Variants in MYO7A observed in about 807,000 individuals in gnomAD.
The protein encoded by MYO7A is myosin VIIA, also known as unconventional myosin-VIIa.
Under a neutral mutation model 263.8 loss-of-function variants are expected in MYO7A, and 210 were observed. The observed-to-expected ratio is 0.80, with a 90% CI of 0.71 to 0.89. MYO7A has a LOEUF of 0.89. MYO7A is among the 40% of genes least tolerant of loss of function. The pLI is 0.00. For synonymous variants in MYO7A, 1,239 were observed against 1,197.3 expected (o/e 1.03, Z -0.72); for missense variants, 2,820 against 2,968.3 (o/e 0.95, Z 1.16).
rs1271365494 is a variant in MYO7A, at chr11:77,138,447, A to G, written c.19-4262A>G. ...GGCCCGGGCCAGGAGGGGAGAAGGGAGGGGGAGGGCGCCTCGCCCCGGGCC... is the reference window on the plus strand; with the variant it reads ...GGCCCGGGCCAGGAGGGGAGAAGGGGGGGGGAGGGCGCCTCGCCCCGGGCC... On this transcript the variant is annotated intron_variant, in intron 2 of 48. Coordinates refer to ENST00000409709, the MANE Select transcript of MYO7A (RefSeq NM_000260.4). This position sits in a 1 kb window ranked among gnomAD's most constrained non-coding sequence, Gnocchi z 4.9. 2.0e-5 allele frequency among the ~76,000 whole-genome samples: 3 copies of G among 151,740 alleles called. No homozygotes were observed. Among genetic ancestry groups the G allele is most frequent in the African/African-American group, 7.3e-5 (3 of 41,268 alleles).
intron 44 of MYO7A, among the ~76,000 whole-genome samples, chr11:77,210,624 C>T (rs1313141195): frequency 6.6e-6 from 1 of 152,214 alleles, no homozygotes; most frequent in African/African-American, 2.4e-5. Context: ...AGCGCCAGCC[C>T]TTCAGAGGCT....
chr11:77,201,082 C>A (rs1235949157), intron 35 of MYO7A, among the ~76,000 whole-genome samples: 2 of 152,202 alleles, frequency 1.3e-5, no homozygotes, highest in Non-Finnish European at 2.9e-5. Flanking sequence ...GGGCAGAGAG[C>A]TAAGCGTGAT....
chr11:77,160,013 A>C, intron 10 of MYO7A, 150 bp from the exon 11 acceptor site: 4 of 1,217,648 alleles, frequency 3.3e-6, no homozygotes, highest in Non-Finnish European at 4.4e-6. Flanking sequence ...TTCCATGGCT[A>C]GGGAGGATTT....
intron 47 of MYO7A, 70 bp from the exon 48 acceptor site, chr11:77,213,790 A>T (rs1958007251): frequency 2.5e-6 from 4 of 1,608,344 alleles, no homozygotes; most frequent in Admixed American, 3.3e-5. Flanking sequence ...GCCTTCTGTG[A>T]GGGCATGTGT....
chr11:77,202,194 C>T (rs915298453), intron 36 of MYO7A, 106 bp from the exon 37 acceptor site: 8 of 1,385,474 alleles, frequency 5.8e-6, no homozygotes, highest in South Asian at 3.0e-5. Context: ...GGGGTCCATA[C>T]CCCTGAAGAG....
intron 22 of MYO7A, 75 bp from the exon 23 acceptor site, chr11:77,181,305 C>G: frequency 1.4e-6 from 2 of 1,383,760 alleles, no homozygotes; most frequent in East Asian, 2.5e-5. Flanking sequence ...AGGGGCTCCC[C>G]AGGGAGAGCT....
chr11:77,166,254 GC>G, intron 15 of MYO7A, 92 bp downstream of exon 15: 1 of 1,109,590 alleles, frequency 9.0e-7, no homozygotes, highest in Non-Finnish European at 1.4e-6. Context: ...CTTCAGCTGA[GC>G]CCCCTGGCCA....
rs534899989 is a variant in MYO7A, at chr11:77,174,974, G to A, written c.2094+60G>A. 2.1e-5 allele frequency: 34 copies of A among 1,587,334 alleles called. No homozygotes were observed. In the South Asian group the frequency reaches 3.8e-4, roughly 18 times the overall value. On this transcript the variant is annotated intron_variant, in intron 17 of 48. Transcript: ENST00000409709. ...GGGTCCCAGCTTTGGCTGGGCAAGG[G>A]TCCCAATTTTCTTATCAGGACCATG...
chr11:77,200,770 C>T (rs920017074), intron 35 of MYO7A, among the ~76,000 whole-genome samples: 11 of 152,236 alleles, frequency 7.2e-5, no homozygotes, highest in Admixed American at 7.2e-4. Context: ...ATACTCATCT[C>T]CTGTCAGCTC....
In MYO7A at chr11:77,211,347, G is replaced by A. The variant is rs1436496129; in HGVS notation, c.6237+10G>A. 2.5e-6 allele frequency: 4 copies of A among 1,570,338 alleles called. No homozygotes were observed. The African/African-American group carries it at 4.1e-5, about 16-fold the overall frequency. On this transcript the variant is annotated intron_variant, in intron 45 of 48. Coordinates refer to ENST00000409709, the MANE Select transcript of MYO7A (RefSeq NM_000260.4). ...TGATGACTGGAAGCGGGTGAGCATG[G>A]GGTGGGCATCGGGAATGGTGGGGCC...
In MYO7A at chr11:77,207,279, C is replaced by G. The variant is rs764914158; in HGVS notation, c.5743-10C>G. On this transcript the variant is annotated splice_polypyrimidine_tract_variant and intron_variant, in intron 41 of 48. Transcript: ENST00000409709. ...CCCTGCAGGAGCCCAGTGCTCACTG[C>G]CCCTCCCAGGCCTTCGAAGTGGAGT... 7 of 1,598,408 alleles carry G rather than the reference C, an allele frequency of 4.4e-6. No individual in the cohort carries two copies. Among genetic ancestry groups the G allele is most frequent in the East Asian group, 2.3e-5 (1 of 44,270 alleles).
At chr11:77,129,029 G>C (rs557663211) in intron 1 of MYO7A, among the ~76,000 whole-genome samples, 4 of 152,212 alleles carry the variant, frequency 2.6e-5, no homozygotes, top group African/African-American at 4.8e-5. Flanking sequence ...TTAACTTGAA[G>C]GTGGTCTAGT....
intron 14 of MYO7A, 70 bp from the exon 15 acceptor site, chr11:77,165,986 C>T: frequency 1.7e-6 from 2 of 1,150,752 alleles, no homozygotes; most frequent in Middle Eastern, 2.0e-4. Context: ...GTCCTCCTGG[C>T]TCAGATGTTA....
intron 37 of MYO7A, 24 bp from the exon 38 acceptor site, chr11:77,203,036 C>T (rs909845522): frequency 1.3e-5 from 20 of 1,544,804 alleles, no homozygotes; most frequent in Non-Finnish European, 1.7e-5. Flanking sequence ...TGGGGCGTTG[C>T]TGACGGTCCC....
chr11:77,179,028 C>T lies in MYO7A; in HGVS notation c.2283-17C>T, dbSNP rs782486981. On this transcript the variant is annotated splice_polypyrimidine_tract_variant and intron_variant, in intron 19 of 48. Transcript: ENST00000409709. Reference sequence around the variant, plus strand: ...GCCTCTGGACACTGCTCACCCGCGCCACTACTGCTGTTTCAGGTCTAACTT... The same window carrying T: ...GCCTCTGGACACTGCTCACCCGCGCTACTACTGCTGTTTCAGGTCTAACTT... The T allele has an allele frequency of 2.5e-6, 4 of 1,589,964 alleles. No homozygotes were observed. The Admixed American group carries it at 7.0e-5, about 28-fold the overall frequency.
chr11:77,190,334 C>T (rs779492861), intron 29 of MYO7A, among the ~76,000 whole-genome samples, 195 bp downstream of exon 29: 5 of 152,232 alleles, frequency 3.3e-5, no homozygotes, highest in Non-Finnish European at 7.3e-5. Flanking sequence ...GGATGAGGGA[C>T]TCCATTTGCT....
At chr11:77,210,456 G>T (rs1276628282) in intron 44 of MYO7A, among the ~76,000 whole-genome samples, 1 of 152,162 alleles carries the variant, frequency 6.6e-6, no homozygotes, top group African/African-American at 2.4e-5. Context: ...GGAGGTAGAT[G>T]TGTAGGTAGA....
intron 17 of MYO7A, 95 bp from the exon 18 acceptor site, chr11:77,175,277 C>A: frequency 8.5e-7 from 1 of 1,175,806 alleles, no homozygotes. Flanking sequence ...GGGCAGAGCT[C>A]GGGAAGAGCC....
intron 28 of MYO7A, 62 bp downstream of exon 28, chr11:77,189,532 G>C (rs1214847126): frequency 1.3e-5 from 21 of 1,600,474 alleles, no homozygotes; most frequent in Non-Finnish European, 1.8e-5. Context: ...CAGCACTGTG[G>C]GGAGAGCAAT....
Sources: allele counts gnomAD v4.1 joint callset (sites outside exome capture counted in the v4.1 genomes callset), GRCh38; gene constraint gnomAD v4.1.1; non-coding constraint Gnocchi (gnomAD v3.1); transcripts MANE v1.5; gene names NCBI Gene and HGNC (gene_info 2026-07-23, HGNC 2026-07-21).